Variants in SPP2 observed in about 807,000 individuals in gnomAD.
SPP2 encodes the protein secreted phosphoprotein 2, also known as secreted phosphoprotein 24.
A neutral mutation model predicts 28.8 loss-of-function variants in SPP2; 34 were observed. The observed-to-expected ratio is 1.18, with a 90% CI of 0.90 to 1.57. The LOEUF (loss-of-function observed/expected upper bound fraction) is 1.57, where lower values mean the gene tolerates loss of function less well. Among genes scored for constraint, SPP2 ranks in the 40% most tolerant of loss-of-function variants. The pLI is 0.00. For synonymous variants in SPP2, 96 were observed against 89.4 expected (o/e 1.07, Z -0.42); for missense variants, 269 against 263.9 (o/e 1.02, Z -0.13).
rs28904005 is a variant in SPP2 at position 234,069,506 on chromosome 2, T to C, written c.551-422T>C. ...TTCTAAGCCAAAATCTAAAAACACA[T>C]TGGGCCTGGGGGAGCATCATTGACA... On this transcript the variant is annotated intron_variant, in intron 6 of 7. Transcript: ENST00000168148. Among the ~76,000 whole-genome samples the C allele has an allele frequency of 5.9e-3, 894 of 152,286 alleles. 66 individuals are homozygous for C. In the East Asian group the frequency reaches 0.15, roughly 26 times the overall value.
intron 6 of SPP2, 89 bp from the exon 7 acceptor site, chr2:234,069,839 C>A: frequency 1.9e-6 from 2 of 1,046,802 alleles, no homozygotes; most frequent in Non-Finnish European, 3.0e-6. Flanking sequence ...TTGTCACAAT[C>A]CTCCTCATTA....
In SPP2 at chr2:234,053,964, A is replaced by T. The variant is rs113649139; in HGVS notation, c.210+2869A>T. Among the ~76,000 whole-genome samples, 231 of 152,296 alleles carry T rather than the reference A, an allele frequency of 1.5e-3. 2 individuals carry two copies. Among genetic ancestry groups the T allele is most frequent in the African/African-American group, 5.2e-3 (217 of 41,564 alleles). Reference sequence around the variant, plus strand: ...GAAGAAAGGGGAAGAGGAAGAGGACACAGTTAAATAAACCAAATTCATTTC... The same window carrying T: ...GAAGAAAGGGGAAGAGGAAGAGGACTCAGTTAAATAAACCAAATTCATTTC... On this transcript the variant is annotated intron_variant, in intron 2 of 7. Transcript: ENST00000168148.
intron 4 of SPP2, among the ~76,000 whole-genome samples, chr2:234,060,732 T>C (rs949486403): frequency 2.1e-5 from 3 of 145,266 alleles, no homozygotes; most frequent in Non-Finnish European, 3.0e-5. Flanking sequence ...CACACACATA[T>C]GCACACACAC....
chr2:234,070,818 C>T (rs923851963), intron 7 of SPP2, among the ~76,000 whole-genome samples: 9 of 152,154 alleles, frequency 5.9e-5, no homozygotes, highest in Non-Finnish European at 1.0e-4. Context: ...TTAATTCTTT[C>T]CCTATGCTGT....
In SPP2 at chr2:234,058,901, C is replaced by A. The variant is rs764033769; in HGVS notation, c.276C>A (p.Cys92Ter). 1 of 1,614,064 alleles carries A rather than the reference C, an allele frequency of 6.2e-7. No individual in the cohort carries two copies. Among genetic ancestry groups the A allele is most frequent in the African/African-American group, 1.3e-5 (1 of 75,032 alleles). ...NLEFSIRETTCRKDSGEDPAT... is the reference protein window; with the variant it reads ...NLEFSIRETT Reference sequence around the variant, plus strand: ...AGTTCAGCATCCGGGAGACTACATGCAGGAAGGATTCTGGAGAAGATCCCG... The same window carrying A: ...AGTTCAGCATCCGGGAGACTACATGAAGGAAGGATTCTGGAGAAGATCCCG... The change falls in exon 3 of 8, where the codon TGC becomes TGA. Residue 92 changes from cysteine to a stop codon, truncating the protein, a stop_gained. Transcript: ENST00000168148. LOFTEE classifies it high-confidence loss of function.
At chr2:234,071,190 G>A (rs1690773222) in intron 7 of SPP2, among the ~76,000 whole-genome samples, 1 of 152,094 alleles carries the variant, frequency 6.6e-6, no homozygotes, top group Admixed American at 6.5e-5. Flanking sequence ...CATCACCAAT[G>A]AACTATTGAT....
Position 234,069,960 on chromosome 2 carries a change from A to G in SPP2, c.583A>G (p.Arg195Gly). Residue 195 changes from arginine (R) to glycine (G), a missense_variant, in exon 7 of 8, where the codon AGA becomes GGA. Transcript: ENST00000168148. ...IMRRVLPPGN[R>G]RYPNHRHRAR... ...GAGAAGGGTATTGCCTCCTGGAAACAGAAGGTACCCAAACCACCGGCACAG... is the reference window on the plus strand; with the variant it reads ...GAGAAGGGTATTGCCTCCTGGAAACGGAAGGTACCCAAACCACCGGCACAG... 1.9e-6 allele frequency: 3 copies of G among 1,613,554 alleles called. No individual in the cohort carries two copies. The highest frequency in any genetic ancestry group is 2.5e-6 in the Non-Finnish European group (3 of 1,179,616).
At chr2:234,067,180 A>G (rs757719861) in intron 5 of SPP2, 44 bp from the exon 6 acceptor site, 2 of 1,555,404 alleles carry the variant, frequency 1.3e-6, no homozygotes, top group Non-Finnish European at 1.8e-6. Context: ...AACATTCTGG[A>G]ACAGTGAGAG....
chr2:234,058,313 G>A (rs1206454123), intron 2 of SPP2, among the ~76,000 whole-genome samples: 6 of 152,106 alleles, frequency 3.9e-5, no homozygotes, highest in East Asian at 1.9e-4. Flanking sequence ...AAAAAGCCAC[G>A]AAATAGACCA....
intron 7 of SPP2, among the ~76,000 whole-genome samples, chr2:234,074,156 C>G (rs1690850810): frequency 1.3e-5 from 2 of 152,222 alleles, no homozygotes; most frequent in East Asian, 3.9e-4. Flanking sequence ...AGCCTCTTCC[C>G]TTTTCCTCCC....
chr2:234,059,514 G>T (rs962098978), intron 3 of SPP2, among the ~76,000 whole-genome samples: 12 of 152,044 alleles, frequency 7.9e-5, no homozygotes, highest in African/African-American at 2.9e-4. Flanking sequence ...GAAGAAAGAG[G>T]CTCCCAAATC....
At chr2:234,069,743 CG>C (rs1156306141) in intron 6 of SPP2, among the ~76,000 whole-genome samples, 184 bp from the exon 7 acceptor site, 2 of 151,924 alleles carry the variant, frequency 1.3e-5, no homozygotes, top group East Asian at 1.9e-4. Context: ...AAACACAACA[CG>C]GGGGAGAAGG....
chr2:234,056,637 T>C (rs555134531), intron 2 of SPP2, among the ~76,000 whole-genome samples: 21 of 152,252 alleles, frequency 1.4e-4, no homozygotes, highest in African/African-American at 5.1e-4. Context: ...TGCTTTTAGG[T>C]GAATTGCTGA....
rs183590139 is a variant in SPP2, at chr2:234,074,559, A to G, written c.*11-2286A>G. 8.7e-4 allele frequency among the ~76,000 whole-genome samples: 133 copies of G among 152,274 alleles called. 1 individual carries two copies. The highest frequency in any genetic ancestry group is 3.0e-3 in the African/African-American group (125 of 41,568). ...TGGCTATGTGCAGTTGTATTCATTT[A>G]CACTTACTCTGATTCACATTCACAG... On this transcript the variant is annotated intron_variant, in intron 7 of 7. Coordinates refer to ENST00000168148, the MANE Select transcript of SPP2 (RefSeq NM_006944.3).
intron 2 of SPP2, among the ~76,000 whole-genome samples, chr2:234,053,273 A>G (rs1302658882): frequency 1.3e-5 from 2 of 152,222 alleles, no homozygotes; most frequent in Non-Finnish European, 2.9e-5. Context: ...CTAGCATGTT[A>G]AACGTTAAAT....
At chr2:234,074,015 A>G (rs951441113) in intron 7 of SPP2, among the ~76,000 whole-genome samples, 2 of 152,076 alleles carry the variant, frequency 1.3e-5, no homozygotes, top group Non-Finnish European at 2.9e-5. Flanking sequence ...TCTTGCATAA[A>G]CCTTGGAACA....
At chr2:234,068,702 CT>C (rs35373190) in intron 6 of SPP2, among the ~76,000 whole-genome samples, 12,760 of 128,230 alleles carry the variant, frequency 0.1, 679 homozygotes, top group East Asian at 0.29. Flanking sequence ...GAATCCATGG[CT>C]TTTTTTTTTT....
rs561651367 is a variant in SPP2 at position 234,066,654 on chromosome 2, G to A, written c.499+67G>A. ...AACTCCATATTGCAACTCTTTGTTA[G>A]TGAGTCATTTAAAACTAGAAATACA... On this transcript the variant is annotated intron_variant, in intron 5 of 7. Coordinates refer to ENST00000168148, the MANE Select transcript of SPP2 (RefSeq NM_006944.3). 256 of 1,181,302 alleles carry A rather than the reference G, an allele frequency of 2.2e-4. 1 individual carries two copies. In the Middle Eastern group the frequency reaches 4.3e-3, roughly 20 times the overall value. 73.2% of individuals were successfully genotyped at this position (1,181,302 alleles called of 1,614,324 possible).
chr2:234,060,598 T>C, intron 4 of SPP2, 119 bp downstream of exon 4: 1 of 732,352 alleles, frequency 1.4e-6, no homozygotes, highest in Non-Finnish European at 2.3e-6. Context: ...GATGCCGAAC[T>C]CTGCTGACAC....
Sources: allele counts gnomAD v4.1 joint callset (sites outside exome capture counted in the v4.1 genomes callset), GRCh38; gene constraint gnomAD v4.1.1; transcripts MANE v1.5; gene names NCBI Gene and HGNC (gene_info 2026-07-23, HGNC 2026-07-21).